The following SLC39A8 variants were observed in gnomAD, a reference collection of about 807,000 sequenced individuals.
SLC39A8 encodes solute carrier family 39 member 8.
In SLC39A8, 15 loss-of-function variants were observed where a neutral mutation model predicts 40.4. The ratio of observed to expected loss-of-function variants is 0.37; its 90% CI spans 0.25 to 0.57. The LOEUF is 0.57. Ranked by LOEUF, SLC39A8 falls within the 20% of genes least tolerant of loss-of-function variation. The pLI, the probability that SLC39A8 is intolerant of heterozygous loss-of-function variation, is 0.75. For synonymous variants in SLC39A8, 223 were observed against 221.6 expected (o/e 1.01, Z -0.06); for missense variants, 472 against 558.8 (o/e 0.84, Z 1.57).
chr4:102,342,951 AC>A (rs1736008751), intron 2 of SLC39A8, among the ~76,000 whole-genome samples: 1 of 152,178 alleles, frequency 6.6e-6, no homozygotes, highest in Non-Finnish European at 1.5e-5. Context: ...ACGTGACCAT[AC>A]CTACCTGGAA....
intron 6 of SLC39A8, among the ~76,000 whole-genome samples, chr4:102,290,401 C>T (rs1291763532): frequency 2.6e-5 from 4 of 151,968 alleles, no homozygotes; most frequent in South Asian, 2.1e-4. Context: ...ATTTTGACAC[C>T]GACTATGGTT....
chr4:102,279,130 A>G (rs942428706), intron 6 of SLC39A8, among the ~76,000 whole-genome samples: 5 of 151,468 alleles, frequency 3.3e-5, no homozygotes, highest in Admixed American at 3.3e-4. Context: ...ATGTATCCCA[A>G]AACTTTAAGT....
intron 2 of SLC39A8, among the ~76,000 whole-genome samples, chr4:102,330,265 T>A (rs1003411665): frequency 2.0e-5 from 3 of 151,878 alleles, no homozygotes; most frequent in African/African-American, 7.3e-5. Context: ...ACAAAATAGA[T>A]AGATTGTTAG....
chr4:102,311,964 C>G (rs1479756940), intron 3 of SLC39A8, among the ~76,000 whole-genome samples: 1 of 151,900 alleles, frequency 6.6e-6, no homozygotes, highest in Non-Finnish European at 1.5e-5. Flanking sequence ...AACACAGGGG[C>G]CAGGGAATGT....
At position 102,316,999 on chromosome 4, in the gene SLC39A8, C is replaced by A. The variant is rs539313650; in HGVS notation, c.220-1169G>T. 4.6e-5 allele frequency among the ~76,000 whole-genome samples: 7 copies of A among 152,246 alleles called. No homozygotes were observed. The South Asian group carries it at 1.5e-3, about 32-fold the overall frequency. Reference sequence around the variant, plus strand: ...AGGAGAGAGCCCTCACAGACAGCAACCATTCTGGCACCTTGGTCTGGACTT... The same window carrying A: ...AGGAGAGAGCCCTCACAGACAGCAAACATTCTGGCACCTTGGTCTGGACTT... On this transcript the variant is annotated intron_variant, in intron 2 of 8. Coordinates refer to ENST00000356736, the MANE Select transcript of SLC39A8 (RefSeq NM_001135146.2).
downstream of SLC39A8, among the ~76,000 whole-genome samples, chr4:102,261,454 G>C (rs756584282): frequency 1.3e-5 from 2 of 152,138 alleles, no homozygotes; most frequent in Non-Finnish European, 2.9e-5. Flanking sequence ...ACTAAGTAAC[G>C]AGAGATCATC....
downstream of SLC39A8, among the ~76,000 whole-genome samples, chr4:102,261,139 T>A (rs539367533): frequency 2.1e-3 from 106 of 49,708 alleles, 1 homozygote; most frequent in African/African-American, 0.027. Flanking sequence ...TGTTGGAGAA[T>A]CTTTATTTAT....
intron 6 of SLC39A8, among the ~76,000 whole-genome samples, chr4:102,296,262 T>C (rs1733672524): frequency 6.6e-6 from 1 of 152,116 alleles, no homozygotes. Context: ...TCTCATTTTG[T>C]TACCCTAACC....
chr4:102,262,600 G>A lies in SLC39A8; in HGVS notation c.*444C>T. 1.0e-6 allele frequency: 1 copy of A among 985,062 alleles called. No individual in the cohort carries two copies. Among genetic ancestry groups the A allele is most frequent in the Non-Finnish European group, 1.2e-6 (1 of 829,512 alleles). 61.0% of individuals were successfully genotyped at this position (985,062 alleles called of 1,614,324 possible). A position where few individuals can be genotyped will look rare whatever the true frequency, so the allele number is the denominator to read the frequency against. On this transcript the variant is annotated 3_prime_UTR_variant, in exon 9 of 9. Transcript: ENST00000356736. ...TACATTTTACCTTCTACATTTTGAT[G>A]TACTTGCTCTTGAAAGCACTAGAAC...
intron 2 of SLC39A8, among the ~76,000 whole-genome samples, chr4:102,322,321 C>T (rs139567585): frequency 6.4e-4 from 98 of 152,278 alleles, no homozygotes; most frequent in Middle Eastern, 3.4e-3. Context: ...GATGTGCACC[C>T]TGACTCTTAA....
chr4:102,314,779 T>C (rs1456481132), intron 3 of SLC39A8, among the ~76,000 whole-genome samples: 1 of 152,128 alleles, frequency 6.6e-6, no homozygotes, highest in East Asian at 1.9e-4. Flanking sequence ...TAATATTTTA[T>C]TTTCTTCATA....
chr4:102,295,362 C>T (rs1179520166), intron 6 of SLC39A8, among the ~76,000 whole-genome samples: 2 of 151,850 alleles, frequency 1.3e-5, no homozygotes, highest in Non-Finnish European at 2.9e-5. Context: ...ATGTTTATCA[C>T]ACAATTAATG....
intron 7 of SLC39A8, 87 bp downstream of exon 7, chr4:102,267,785 G>A: frequency 1.3e-6 from 2 of 1,552,680 alleles, no homozygotes; most frequent in South Asian, 1.2e-5. Context: ...GCATCAGAAG[G>A]ATTTTAAGAG....
intron 2 of SLC39A8, among the ~76,000 whole-genome samples, chr4:102,338,607 G>A (rs768755714): frequency 4.1e-4 from 63 of 152,272 alleles, no homozygotes; most frequent in Middle Eastern, 6.8e-3. Flanking sequence ...ATAGGCAGTC[G>A]ATGACTAGTA....
chr4:102,344,803 T>C lies in SLC39A8; in HGVS notation c.-141A>G. 1 of 1,322,382 alleles carries C rather than the reference T, an allele frequency of 7.6e-7. No individual in the cohort carries two copies. Among genetic ancestry groups the C allele is most frequent in the Non-Finnish European group, 9.6e-7 (1 of 1,041,014 alleles). The allele number at this position is 1,322,382 out of a possible 1,614,324, so 81.9% of individuals were successfully genotyped here. On this transcript the variant is annotated 5_prime_UTR_variant, in exon 2 of 9. Transcript: ENST00000356736. ...AGTCAGAGGTGGCGCGGGACGCCCC[T>C]GGTTCTCCGACGCCTTCGAAAGAAC... is the stretch of plus-strand genomic sequence containing the variant.
chr4:102,258,104 G>GTTTTTTTT (rs752860248), downstream of SLC39A8, among the ~76,000 whole-genome samples: 7 of 146,128 alleles, frequency 4.8e-5, 1 homozygote, highest in South Asian at 2.1e-4. Context: ...AGTGTTTTTT[G>GTTTTTTTT]TTTTTTGTTT....
chr4:102,291,529 T>C (rs1261392403), intron 6 of SLC39A8, among the ~76,000 whole-genome samples: 1 of 152,038 alleles, frequency 6.6e-6, no homozygotes, highest in Non-Finnish European at 1.5e-5. Context: ...CTCATTCGTC[T>C]GAGCCAGGGC....
At position 102,344,807 on chromosome 4, in the gene SLC39A8, T is replaced by C. The variant is rs1736100191; in HGVS notation, c.-145A>G. 25 of 1,321,712 alleles carry C rather than the reference T, an allele frequency of 1.9e-5. No individual in the cohort carries two copies. The highest frequency in any genetic ancestry group is 2.4e-5 in the Non-Finnish European group (25 of 1,040,634). 81.9% of individuals were successfully genotyped at this position (1,321,712 alleles called of 1,614,324 possible). ...AGAGGTGGCGCGGGACGCCCCTGGT[T>C]CTCCGACGCCTTCGAAAGAACAGCA... On this transcript the variant is annotated 5_prime_UTR_variant, in exon 2 of 9. Coordinates refer to ENST00000356736, the MANE Select transcript of SLC39A8 (RefSeq NM_001135146.2).
rs372870127 is a variant in SLC39A8, at chr4:102,261,689, TTTGGC to T, written c.*1350_*1354del. The stretch of plus-strand genomic sequence containing the variant: ...CATGGTTTCAAAAGGGTGTTTACTA[TTTGGC>T]CAAACAATATTTTTTAATTGTCAGT... On this transcript the variant is annotated 3_prime_UTR_variant, in exon 9 of 9. Transcript: ENST00000356736. 7 of 980,022 alleles carry T rather than the reference TTTGGC, an allele frequency of 7.1e-6. No individual in the cohort carries two copies. The African/African-American group carries it at 1.2e-4, about 17-fold the overall frequency. The allele number at this position is 980,022 out of a possible 1,614,324, so 60.7% of individuals were successfully genotyped here. A position where few individuals can be genotyped will look rare whatever the true frequency, so the allele number is the denominator to read the frequency against.
Sources: gnomAD v4.1 joint callset for allele counts (sites outside exome capture counted in the v4.1 genomes callset) on GRCh38, gnomAD v4.1.1 for gene constraint, MANE v1.5 for transcripts, NCBI Gene and HGNC (gene_info 2026-07-23, HGNC 2026-07-21) for gene names.